DOCK3: variants seen among roughly 807,000 people sequenced by gnomAD.
DOCK3 encodes the protein dedicator of cytokinesis 3, also known as dedicator of cytokinesis protein 3.
DOCK3 carries 60 observed loss-of-function variants against 265.6 expected under a neutral mutation model. The observed-to-expected ratio is 0.23, with a 90% CI of 0.18 to 0.28. The LOEUF is 0.28. Ranked by LOEUF, DOCK3 falls within the 10% of genes least tolerant of loss-of-function variation. The probability of loss-of-function intolerance (pLI) is 1.00; values close to 1 mark genes in which losing one functional copy is unlikely to be tolerated. For missense variants in DOCK3, 1,981 were observed against 2,594.3 expected (o/e 0.76, Z 5.14); for synonymous variants, 881 against 938.0 (o/e 0.94, Z 1.11).
chr3:51,079,769 A>G (rs1037610789), intron 7 of DOCK3, among the ~76,000 whole-genome samples: 3 of 152,226 alleles, frequency 2.0e-5, no homozygotes, highest in Non-Finnish European at 4.4e-5. Flanking sequence ...CGAAAATATA[A>G]AGTATTTCAA....
intron 5 of DOCK3, among the ~76,000 whole-genome samples, chr3:51,031,702 C>T (rs556932277): frequency 1.3e-5 from 2 of 152,142 alleles, no homozygotes; most frequent in African/African-American, 4.8e-5. Context: ...AAATTCATGT[C>T]GAAACTTAAG....
chr3:51,349,245 TG>T (rs1212865157), intron 39 of DOCK3, among the ~76,000 whole-genome samples: 1 of 152,190 alleles, frequency 6.6e-6, no homozygotes, highest in Non-Finnish European at 1.5e-5. Context: ...TTTCCTGGAA[TG>T]GTTTTGTTTA....
intron 49 of DOCK3, among the ~76,000 whole-genome samples, chr3:51,365,930 A>G (rs1290489972): frequency 6.6e-6 from 1 of 152,088 alleles, no homozygotes; most frequent in East Asian, 1.9e-4. Context: ...TTCATCAGGG[A>G]TATTGGTCTA....
intron 1 of DOCK3, among the ~76,000 whole-genome samples, chr3:50,732,262 G>A (rs1353725268): frequency 6.6e-6 from 1 of 152,106 alleles, no homozygotes; most frequent in African/African-American, 2.4e-5. Flanking sequence ...GTTGGGTGGT[G>A]GGGCTGGGGC....
chr3:50,811,534 A>T (rs2043756447), intron 2 of DOCK3, among the ~76,000 whole-genome samples: 2 of 152,204 alleles, frequency 1.3e-5, no homozygotes, highest in Non-Finnish European at 2.9e-5. Context: ...AGTTTGAGAA[A>T]ACTGAAATGT....
intron 38 of DOCK3, among the ~76,000 whole-genome samples, chr3:51,342,853 A>G (rs1188128192): frequency 6.6e-6 from 1 of 152,164 alleles, no homozygotes; most frequent in African/African-American, 2.4e-5. Context: ...GAATCTCCTC[A>G]CTTCTGCAAT....
chr3:51,244,093 G>GT (rs2078723608), intron 21 of DOCK3, among the ~76,000 whole-genome samples: 1 of 152,154 alleles, frequency 6.6e-6, no homozygotes, highest in Non-Finnish European at 1.5e-5. Context: ...ATTCAACATT[G>GT]TTTTGATTGC....
chr3:50,781,214 A>T (rs1321386538), intron 2 of DOCK3, among the ~76,000 whole-genome samples: 2 of 151,556 alleles, frequency 1.3e-5, no homozygotes, highest in Admixed American at 6.6e-5. Context: ...AAAAATAAAA[A>T]TAAAAAAAAA....
At chr3:51,250,488 A>G in intron 22 of DOCK3, among the ~76,000 whole-genome samples, 1 of 152,148 alleles carries the variant, frequency 6.6e-6, no homozygotes, top group Non-Finnish European at 1.5e-5. Flanking sequence ...GCATGGTGGC[A>G]TGCACCTGTA....
At chr3:51,010,740 T>G (rs2108763959) in intron 5 of DOCK3, among the ~76,000 whole-genome samples, 1 of 152,352 alleles carries the variant, frequency 6.6e-6, no homozygotes, top group African/African-American at 2.4e-5. Flanking sequence ...TTTGGCACGC[T>G]TTTTCAGTGA....
intron 23 of DOCK3, among the ~76,000 whole-genome samples, chr3:51,262,976 A>G (rs1005297038): frequency 6.6e-6 from 1 of 152,226 alleles, no homozygotes. Context: ...GGAGAATGGA[A>G]CCAAGTTGGA....
intron 12 of DOCK3, among the ~76,000 whole-genome samples, chr3:51,182,893 C>T (rs748533778): frequency 5.9e-5 from 9 of 152,190 alleles, no homozygotes; most frequent in Admixed American, 2.6e-4. Flanking sequence ...TTAATTTCTG[C>T]GGAATTGGTG....
intron 32 of DOCK3, among the ~76,000 whole-genome samples, chr3:51,325,460 C>T (rs138234069): frequency 5.9e-5 from 9 of 152,160 alleles, no homozygotes; most frequent in African/African-American, 1.7e-4. Flanking sequence ...TTACACTGTT[C>T]GTGGGAGTGT....
At chr3:51,211,971 G>A (rs998737132) in intron 13 of DOCK3, among the ~76,000 whole-genome samples, 1 of 152,188 alleles carries the variant, frequency 6.6e-6, no homozygotes, top group African/African-American at 2.4e-5. Context: ...TGCATACTGG[G>A]TGAGCGAGTG....
intron 3 of DOCK3, among the ~76,000 whole-genome samples, chr3:50,861,922 T>A (rs1193625601): frequency 6.6e-6 from 1 of 152,140 alleles, no homozygotes; most frequent in East Asian, 1.9e-4. Context: ...CATTTATTTA[T>A]GTTCAAGGTT....
chr3:51,227,356 G>A lies in DOCK3; in HGVS notation c.1451G>A (p.Ser484Asn). The A allele has an allele frequency of 1.2e-6, 2 of 1,613,918 alleles. No homozygotes were observed. Among genetic ancestry groups the A allele is most frequent in the Non-Finnish European group, 1.7e-6 (2 of 1,179,874 alleles). Residue 484 changes from serine to asparagine, a missense_variant, in exon 16 of 53, where the codon AGT becomes AAT. This residue lies in a region of DOCK3 where 1,357 missense variants were observed against 1,866.8 expected (regional missense o/e 0.73). Coordinates refer to ENST00000266037, the MANE Select transcript of DOCK3 (RefSeq NM_004947.5). ...YHSFVLYHSN[S>N]PRWGEIIKLP... ...TCCTTTGTCCTCTACCACAGTAATA[G>A]TCCTCGCTGGGGAGAAATTATCAAA...
At chr3:51,266,325 CTACTT>C (rs1342708338) in intron 23 of DOCK3, among the ~76,000 whole-genome samples, 13 of 152,300 alleles carry the variant, frequency 8.5e-5, no homozygotes, top group African/African-American at 3.1e-4. Flanking sequence ...TTAGAAAAAA[CTACTT>C]TAAAGTTCAT....
rs546869918 is a variant in DOCK3 at position 50,751,224 on chromosome 3, A to G, written c.38-27451A>G. ...GAAGCCCCTGAAGTGACTTTTTTAT[A>G]TGTCCTTTGACCCTGTGACATAAAA... On this transcript the variant is annotated intron_variant, in intron 1 of 52. Coordinates refer to ENST00000266037, the MANE Select transcript of DOCK3 (RefSeq NM_004947.5). Among the ~76,000 whole-genome samples the G allele has an allele frequency of 9.9e-5, 15 of 152,032 alleles. 1 individual carries two copies. In the East Asian group the frequency reaches 2.9e-3, roughly 29 times the overall value.
intron 51 of DOCK3, among the ~76,000 whole-genome samples, chr3:51,378,977 TG>T (rs2088368821): frequency 6.6e-6 from 1 of 152,234 alleles, no homozygotes; most frequent in African/African-American, 2.4e-5. Context: ...CAGCTGGATC[TG>T]GGCTGCAGTT....
Sources: allele counts gnomAD v4.1 joint callset (sites outside exome capture counted in the v4.1 genomes callset), GRCh38; gene constraint gnomAD v4.1.1; regional missense constraint gnomAD v4.1.1; transcripts MANE v1.5; gene names NCBI Gene and HGNC (gene_info 2026-07-23, HGNC 2026-07-21).